The following BTBD9 variants were observed in gnomAD, a reference collection of about 807,000 sequenced individuals.
BTBD9 encodes BTB/POZ domain-containing protein 9.
A neutral mutation model predicts 64.3 loss-of-function variants in BTBD9; 49 were observed. The observed-to-expected ratio is 0.76, with a 90% CI of 0.61 to 0.97. The LOEUF (loss-of-function observed/expected upper bound fraction) is 0.97. Among genes scored for constraint, BTBD9 ranks in the 50% least tolerant of loss-of-function variants. The pLI is 0.00. For synonymous variants in BTBD9, 260 were observed against 274.7 expected, an observed-to-expected ratio of 0.95 and a Z score of 0.53; for missense variants, 598 against 762.1, an observed-to-expected ratio of 0.78 and a Z score of 2.53.
At chr6:38,435,828 C>A (rs1768709584) in intron 6 of BTBD9, among the ~76,000 whole-genome samples, 1 of 151,028 alleles carries the variant, frequency 6.6e-6, no homozygotes, top group South Asian at 2.1e-4. Context: ...GCCACTGCGC[C>A]CGGCTAATTT....
intron 6 of BTBD9, among the ~76,000 whole-genome samples, chr6:38,467,986 G>T (rs1770472810): frequency 6.6e-6 from 1 of 152,058 alleles, no homozygotes; most frequent in Non-Finnish European, 1.5e-5. Context: ...GTTTAAAGTG[G>T]CTCTACCTTT....
chr6:38,425,927 TACACACACACACACACAC>T (rs61016424), intron 6 of BTBD9, among the ~76,000 whole-genome samples: 1 of 136,986 alleles, frequency 7.3e-6, no homozygotes, highest in African/African-American at 2.8e-5. Flanking sequence ...AAGAAACACA[TACACACACACACACACAC>T]ACACACACAC....
At chr6:38,242,278 A>G (rs9357265) in intron 9 of BTBD9, among the ~76,000 whole-genome samples, 16,264 of 152,192 alleles carry the variant, frequency 0.11, 1,283 homozygotes, top group East Asian at 0.45. Flanking sequence ...TTTTCAGAAA[A>G]ATTTCCCTAA....
intron 10 of BTBD9, among the ~76,000 whole-genome samples, chr6:38,186,143 C>T (rs546442459): frequency 6.6e-6 from 1 of 152,344 alleles, no homozygotes; most frequent in East Asian, 1.9e-4. Context: ...GTCAGTCCAT[C>T]TGCCCACAGC....
intron 6 of BTBD9, among the ~76,000 whole-genome samples, chr6:38,416,793 C>T (rs1722668154): frequency 6.6e-6 from 1 of 152,192 alleles, no homozygotes; most frequent in Non-Finnish European, 1.5e-5. Context: ...AGCCCTTGTC[C>T]TCCTCTCCAG....
intron 10 of BTBD9, among the ~76,000 whole-genome samples, chr6:38,183,272 C>T (rs111260036): frequency 2.6e-5 from 4 of 152,338 alleles, no homozygotes; most frequent in East Asian, 1.9e-4. Flanking sequence ...CCACCGCGCC[C>T]GGCCTAAAAG....
intron 7 of BTBD9, among the ~76,000 whole-genome samples, chr6:38,335,948 T>C (rs1171694606): frequency 2.6e-5 from 4 of 152,116 alleles, no homozygotes; most frequent in Non-Finnish European, 5.9e-5. Context: ...TTGGCCAGGC[T>C]GGTCTCAAAC....
intron 7 of BTBD9, among the ~76,000 whole-genome samples, chr6:38,312,033 T>C (rs1427220613): frequency 6.6e-6 from 1 of 151,916 alleles, no homozygotes; most frequent in East Asian, 1.9e-4. Flanking sequence ...AGCTAATTTT[T>C]TATTTTTAGT....
At chr6:38,578,431 T>C (rs1033300366) in intron 5 of BTBD9, among the ~76,000 whole-genome samples, 3 of 152,190 alleles carry the variant, frequency 2.0e-5, no homozygotes, top group Admixed American at 6.5e-5. Flanking sequence ...CAAATCTATA[T>C]TCCCCTGTCA....
chr6:38,362,941 G>A (rs1236298052), intron 6 of BTBD9, among the ~76,000 whole-genome samples: 1 of 152,082 alleles, frequency 6.6e-6, no homozygotes, highest in Admixed American at 6.6e-5. Flanking sequence ...AGTAATAGGA[G>A]AGAGTGGCCT....
At chr6:38,182,068 C>A (rs1275236809) in intron 10 of BTBD9, among the ~76,000 whole-genome samples, 1 of 152,168 alleles carries the variant, frequency 6.6e-6, no homozygotes, top group Non-Finnish European at 1.5e-5. Flanking sequence ...TTGCGAGCAA[C>A]AAATTTTCAG....
chr6:38,257,866 T>C (rs1463283870), intron 8 of BTBD9, among the ~76,000 whole-genome samples: 1 of 152,038 alleles, frequency 6.6e-6, no homozygotes, highest in Non-Finnish European at 1.5e-5. Context: ...ACTGGAAAAG[T>C]GCTATTTTTG....
chr6:38,246,338 G>GT (rs35155533), intron 9 of BTBD9, among the ~76,000 whole-genome samples: 24 of 152,108 alleles, frequency 1.6e-4, no homozygotes, highest in Non-Finnish European at 3.2e-4. Context: ...ATAAACAAGT[G>GT]TGAGTAACTG....
intron 6 of BTBD9, among the ~76,000 whole-genome samples, chr6:38,517,440 G>A (rs994507032): frequency 5.3e-5 from 8 of 151,918 alleles, no homozygotes; most frequent in Non-Finnish European, 1.2e-4. Context: ...TCCCCCACCC[G>A]CTGCCTGGCC....
chr6:38,233,800 T>C (rs888702584), intron 9 of BTBD9, among the ~76,000 whole-genome samples: 1 of 152,240 alleles, frequency 6.6e-6, no homozygotes, highest in Non-Finnish European at 1.5e-5. Context: ...ACAATTTGCA[T>C]GCATAATGTA....
At chr6:38,262,458 T>C (rs991952392) in intron 8 of BTBD9, among the ~76,000 whole-genome samples, 2 of 151,626 alleles carry the variant, frequency 1.3e-5, no homozygotes, top group Non-Finnish European at 2.9e-5. Flanking sequence ...CTAAAAGCAG[T>C]GAAGTGCTGG....
intron 6 of BTBD9, among the ~76,000 whole-genome samples, chr6:38,356,327 T>C (rs1192223572): frequency 1.3e-5 from 2 of 152,168 alleles, no homozygotes; most frequent in Non-Finnish European, 2.9e-5. Context: ...AATTTTTCTT[T>C]ATGAAACTCT....
At chr6:38,386,103 T>C (rs767554912) in intron 6 of BTBD9, among the ~76,000 whole-genome samples, 11 of 152,196 alleles carry the variant, frequency 7.2e-5, no homozygotes, top group Non-Finnish European at 1.3e-4. Context: ...AATAATATCC[T>C]ACTTCTAATC....
intron 1 of BTBD9, among the ~76,000 whole-genome samples, chr6:38,618,567 G>C (rs955921876): frequency 3.9e-5 from 6 of 152,002 alleles, no homozygotes; most frequent in Admixed American, 3.9e-4. Flanking sequence ...AAATCATCAA[G>C]GGACCACAAA....
Sources: allele counts gnomAD v4.1 joint callset (sites outside exome capture counted in the v4.1 genomes callset), GRCh38; gene constraint gnomAD v4.1.1; transcripts MANE v1.5; gene names NCBI Gene and HGNC (gene_info 2026-07-23, HGNC 2026-07-21).